ZNF107: variants seen among roughly 807,000 people sequenced by gnomAD.
The protein encoded by ZNF107 is zinc finger protein 107, also known as C2H2 type zinc-finger protein.
Under a neutral mutation model 12.3 loss-of-function variants are expected in ZNF107, and 19 were observed. The observed-to-expected ratio is 1.55, with a 90% CI of 1.08 to 2.27. ZNF107 has a LOEUF of 2.27. Among genes scored for constraint, ZNF107 ranks in the 30% most tolerant of loss-of-function variants. The probability of loss-of-function intolerance (pLI) is 0.00; values close to 1 mark genes in which losing one functional copy is unlikely to be tolerated. For missense variants in ZNF107, 958 were observed against 979.9 expected, an observed-to-expected ratio of 0.98 and a Z score of 0.30; for synonymous variants, 317 against 330.5, an observed-to-expected ratio of 0.96 and a Z score of 0.44.
In ZNF107 at chr7:64,695,040, C is replaced by G. The variant is rs865949632; in HGVS notation, c.226+3080C>G. ...CAAATACTTTTATATATTAGAGACT[C>G]TAACCATATTCTGTGCACACACACA... is the stretch of plus-strand genomic sequence containing the variant. On this transcript the variant is annotated intron_variant, in intron 3 of 3. Transcript: ENST00000620827. Among the ~76,000 whole-genome samples the G allele has an allele frequency of 2.0e-5, 3 of 151,776 alleles. No homozygotes were observed. In the South Asian group the frequency reaches 6.2e-4, roughly 31 times the overall value.
At chr7:64,673,662 G>A (rs1214206056) in intron 1 of ZNF107, among the ~76,000 whole-genome samples, 3 of 152,140 alleles carry the variant, frequency 2.0e-5, no homozygotes, top group African/African-American at 7.2e-5. Context: ...ATGTTAGAAT[G>A]GTATTTCCTA....
chr7:64,690,601 G>C (rs1244820638), intron 1 of ZNF107: 18 of 913,786 alleles, frequency 2.0e-5, no homozygotes, highest in Non-Finnish European at 2.3e-5. Context: ...ATTTAGCAAT[G>C]TGTTTTCTAT....
Position 64,707,828 on chromosome 7 carries a change from C to T in ZNF107, c.1731C>T (p.Ser577=). 1 of 1,612,204 alleles carries T rather than the reference C, an allele frequency of 6.2e-7. No homozygotes were observed. The highest frequency in any genetic ancestry group is 8.5e-7 in the Non-Finnish European group (1 of 1,179,398). The change falls in exon 4 of 4, where the codon TCC becomes TCT. Residue 577 remains serine (S), a synonymous_variant. Coordinates refer to ENST00000620827, the MANE Select transcript of ZNF107 (RefSeq NM_001282359.2). ...AATGTGGAAAAGCCTTTAATCAATC[C>T]TATCAACTTACTAGACATAAGATAG... ...CEECGKAFNQ[S]YQLTRHKIVH...
chr7:64,672,663 A>G (rs902889484), intron 1 of ZNF107, among the ~76,000 whole-genome samples: 12 of 152,170 alleles, frequency 7.9e-5, no homozygotes, highest in African/African-American at 2.9e-4. Flanking sequence ...GTGCCCTACC[A>G]TACCATATTT....
Position 64,708,620 on chromosome 7 carries a change from A to G in ZNF107, c.2523A>G (p.Gly841=), listed in dbSNP as rs373462232. ...CTACACATAAGAAAATTCATACTGG[A>G]GAGAAACCCTACAAATGTGAGTATG... is the stretch of plus-strand genomic sequence containing the variant. The part of the protein sequence containing the change: ...NLTTHKKIHT[G]EKPYKCEYGK... Residue 841 remains glycine (G), a synonymous_variant, in exon 4 of 4, where the codon GGA becomes GGG. Transcript: ENST00000620827. 1.1e-5 allele frequency: 18 copies of G among 1,593,604 alleles called. No homozygotes were observed. The African/African-American group carries it at 1.9e-4, about 17-fold the overall frequency.
chr7:64,672,689 C>T (rs1222477668), intron 1 of ZNF107, among the ~76,000 whole-genome samples: 1 of 152,036 alleles, frequency 6.6e-6, no homozygotes. Flanking sequence ...ATCCAGTCTA[C>T]CGTCGATAGG....
chr7:64,701,544 T>C (rs1790477562), intron 3 of ZNF107, among the ~76,000 whole-genome samples: 1 of 152,050 alleles, frequency 6.6e-6, no homozygotes, highest in African/African-American at 2.4e-5. Context: ...GGCCTAAAAT[T>C]AGTCTCTTAT....
intron 1 of ZNF107, among the ~76,000 whole-genome samples, chr7:64,671,560 T>C (rs1789222162): frequency 6.6e-6 from 1 of 152,178 alleles, no homozygotes; most frequent in African/African-American, 2.4e-5. Flanking sequence ...GACAGCCCCA[T>C]CTGGGCCACT....
chr7:64,681,178 G>T (rs1789655133), intron 1 of ZNF107, among the ~76,000 whole-genome samples: 1 of 152,050 alleles, frequency 6.6e-6, no homozygotes, highest in Admixed American at 6.5e-5. Flanking sequence ...CACCTCGGAG[G>T]CCCCATGGAC....
chr7:64,695,248 A>C lies in ZNF107; in HGVS notation c.226+3288A>C, dbSNP rs149499959. On this transcript the variant is annotated intron_variant, in intron 3 of 3. Transcript: ENST00000620827. Reference sequence around the variant, plus strand: ...CAGAATTATCTCCACTTCCTTTTAAATACTCATTTATTAAAATTTTCTCAT... The same window carrying C: ...CAGAATTATCTCCACTTCCTTTTAACTACTCATTTATTAAAATTTTCTCAT... Among the ~76,000 whole-genome samples, 203 of 152,228 alleles carry C rather than the reference A, an allele frequency of 1.3e-3. 2 individuals carry two copies. The highest frequency in any genetic ancestry group is 1.9e-3 in the Non-Finnish European group (129 of 67,986).
At chr7:64,694,025 T>C (rs1043811612) in intron 3 of ZNF107, among the ~76,000 whole-genome samples, 10 of 152,172 alleles carry the variant, frequency 6.6e-5, no homozygotes, top group African/African-American at 2.4e-4. Flanking sequence ...TGACCTTAGG[T>C]GATCCACCCA....
intron 3 of ZNF107, among the ~76,000 whole-genome samples, chr7:64,696,384 G>C (rs1790289500): frequency 6.6e-6 from 1 of 152,132 alleles, no homozygotes; most frequent in Admixed American, 6.6e-5. Flanking sequence ...GCATGGTAGT[G>C]TGCACCTGTT....
intron 1 of ZNF107, chr7:64,687,191 A>G: frequency 7.1e-6 from 7 of 986,360 alleles, no homozygotes; most frequent in Non-Finnish European, 8.4e-6. Flanking sequence ...AAGCCCTATT[A>G]CTATCCCATG....
At chr7:64,670,560 A>G (rs1789183147) in intron 1 of ZNF107, among the ~76,000 whole-genome samples, 1 of 151,492 alleles carries the variant, frequency 6.6e-6, no homozygotes, top group Admixed American at 6.6e-5. Context: ...TATGAAAAAG[A>G]AAATATGCAG....
chr7:64,686,151 G>C (rs1488426926), intron 1 of ZNF107, among the ~76,000 whole-genome samples: 1 of 152,052 alleles, frequency 6.6e-6, no homozygotes, highest in Non-Finnish European at 1.5e-5. Context: ...CCTTTTTAGG[G>C]GAAGATTGTT....
chr7:64,690,224 T>G, intron 1 of ZNF107: 1 of 305,564 alleles, frequency 3.3e-6, no homozygotes, highest in Non-Finnish European at 4.7e-6. Context: ...TTCTTTTACT[T>G]TGCTAAGAAT....
At chr7:64,672,240 G>A (rs1789259703) in intron 1 of ZNF107, among the ~76,000 whole-genome samples, 1 of 152,116 alleles carries the variant, frequency 6.6e-6, no homozygotes, top group Non-Finnish European at 1.5e-5. Flanking sequence ...ATGGTCTCCA[G>A]CTTTATCCAT....
rs1056744686 is a variant in ZNF107 at position 64,711,320 on chromosome 7, A to G, written c.*2664A>G. ...TTTCTCTTAATTTTTGTGGATACAT[A>G]GTATGTGTATATCTTTATGCCATGT... is the stretch of plus-strand genomic sequence containing the variant. On this transcript the variant is annotated 3_prime_UTR_variant, in exon 4 of 4. Transcript: ENST00000620827. 3 of 152,186 alleles carry G rather than the reference A, an allele frequency of 2.0e-5. No homozygotes were observed. Among genetic ancestry groups the G allele is most frequent in the African/African-American group, 7.2e-5 (3 of 41,460 alleles). 9.4% of individuals were successfully genotyped at this position (152,186 alleles called of 1,614,324 possible).
chr7:64,666,415 C>T (rs1162134447), intron 1 of ZNF107, 130 bp downstream of exon 1: 1 of 1,277,874 alleles, frequency 7.8e-7, no homozygotes, highest in Admixed American at 2.1e-5. Flanking sequence ...GCTCGGCCCT[C>T]AGTCCCCCGC....
Sources: allele counts gnomAD v4.1 joint callset (sites outside exome capture counted in the v4.1 genomes callset), GRCh38; gene constraint gnomAD v4.1.1; transcripts MANE v1.5; gene names NCBI Gene and HGNC (gene_info 2026-07-23, HGNC 2026-07-21).